PAX2: variants seen among roughly 807,000 people sequenced by gnomAD.
The protein encoded by PAX2 is paired box 2, also known as paired box protein Pax-2.
A neutral mutation model predicts 41.7 loss-of-function variants in PAX2; 9 were observed. The observed-to-expected ratio is 0.22, with a 90% CI of 0.13 to 0.38. The LOEUF is 0.38. Ranked by LOEUF, PAX2 falls within the 10% of genes least tolerant of loss-of-function variation. PAX2 has a pLI of 1.00. For missense variants in PAX2, 418 were observed against 531.6 expected, an observed-to-expected ratio of 0.79 and a Z score of 2.10; for synonymous variants, 221 against 212.7, an observed-to-expected ratio of 1.04 and a Z score of -0.34.
At position 100,746,424 on chromosome 10, in the gene PAX2, G is replaced by A. The variant is rs929110543; in HGVS notation, c.43+121G>A. 5 of 782,658 alleles carry A rather than the reference G, an allele frequency of 6.4e-6. No individual in the cohort carries two copies. In the African/African-American group the frequency reaches 8.5e-5, roughly 13 times the overall value. The allele number at this position is 782,658 out of a possible 1,614,324, so 48.5% of individuals were successfully genotyped here. ...CATCTTGGAGGCCTCCCTGGCTTCT[G>A]GTCCCTCTTTTCGTTCTTTCTCTCC... On this transcript the variant is annotated intron_variant, in intron 1 of 9. Coordinates refer to ENST00000355243, the MANE Select transcript of PAX2 (RefSeq NM_000278.5).
At chr10:100,783,744 C>T (rs1042554140) in intron 5 of PAX2, among the ~76,000 whole-genome samples, 12 of 148,852 alleles carry the variant, frequency 8.1e-5, no homozygotes, top group African/African-American at 3.0e-4. Context: ...AGCTCATGCT[C>T]CAGCAGTGTG....
chr10:100,816,466 T>G (rs1564742558), intron 7 of PAX2, among the ~76,000 whole-genome samples: 1 of 152,234 alleles, frequency 6.6e-6, no homozygotes, highest in Non-Finnish European at 1.5e-5. Flanking sequence ...CAACCCAACA[T>G]TTTTTGAATG....
At chr10:100,803,871 A>G (rs1471105379) in intron 5 of PAX2, among the ~76,000 whole-genome samples, 1 of 151,832 alleles carries the variant, frequency 6.6e-6, no homozygotes, top group Non-Finnish European at 1.5e-5. Context: ...TCTTACCACC[A>G]GGGCCTGAGT....
At chr10:100,769,991 G>A (rs1213924112) in intron 3 of PAX2, among the ~76,000 whole-genome samples, 1 of 152,228 alleles carries the variant, frequency 6.6e-6, no homozygotes, top group African/African-American at 2.4e-5. Flanking sequence ...AGGCCGGGCT[G>A]AAGAATTCTG....
At chr10:100,739,160 C>T (rs1173412890) in intron 1 of PAX2, among the ~76,000 whole-genome samples, 2 of 152,134 alleles carry the variant, frequency 1.3e-5, no homozygotes, top group South Asian at 2.1e-4. Context: ...TGGACGTAGG[C>T]GGAGGTGGCA....
chr10:100,806,658 GC>G, intron 6 of PAX2, 53 bp downstream of exon 6: 1 of 1,549,924 alleles, frequency 6.5e-7, no homozygotes. Flanking sequence ...GCAGAGCAAG[GC>G]CTCTCAAAAA....
intron 3 of PAX2, among the ~76,000 whole-genome samples, chr10:100,768,547 C>A (rs1341344730): frequency 6.6e-6 from 1 of 152,186 alleles, no homozygotes; most frequent in Non-Finnish European, 1.5e-5. Flanking sequence ...TGTTTAAAAT[C>A]ACAGCTACCT....
intron 1 of PAX2, among the ~76,000 whole-genome samples, chr10:100,739,482 C>T (rs1235676500): frequency 4.6e-5 from 7 of 152,178 alleles, no homozygotes; most frequent in Admixed American, 3.3e-4. Flanking sequence ...AGATTTGGTG[C>T]CGGCTCGCAA....
At chr10:100,746,584 G>A (rs1024219168) in intron 1 of PAX2, among the ~76,000 whole-genome samples, 1 of 152,196 alleles carries the variant, frequency 6.6e-6, no homozygotes, top group African/African-American at 2.4e-5. Flanking sequence ...CTCCTTCTTA[G>A]GTCATGGGAT....
At chr10:100,749,694 G>A (rs556621459) in intron 1 of PAX2, 52 bp from the exon 2 acceptor site, 8 of 1,576,332 alleles carry the variant, frequency 5.1e-6, no homozygotes, top group Non-Finnish European at 6.9e-6. Context: ...CTGACTAATG[G>A]CCGGTCCCTG....
Position 100,819,794 on chromosome 10 carries a change from C to G in PAX2, c.920-4854C>G, listed in dbSNP as rs532286176. ...TTACCTGATGACTACAATTTTTCAA[C>G]TTTCTTAATAAAGTCTTTCACTTTG... On this transcript the variant is annotated intron_variant, in intron 7 of 9. Coordinates refer to ENST00000355243, the MANE Select transcript of PAX2 (RefSeq NM_000278.5). 1.3e-3 allele frequency among the ~76,000 whole-genome samples: 199 copies of G among 152,292 alleles called. 1 individual carries two copies. Among genetic ancestry groups the G allele is most frequent in the African/African-American group, 4.7e-3 (195 of 41,538 alleles).
rs1211217411 is a variant in PAX2, at chr10:100,824,932, T to C, written c.1021+183T>C. On this transcript the variant is annotated intron_variant, in intron 8 of 9. Transcript: ENST00000355243. This position sits in a 1 kb window ranked among gnomAD's most constrained non-coding sequence, Gnocchi z 6.6. ...GCAGTTGGTCCCTCATCCTCCCTCA[T>C]GAGCAAGCCGGGGAGGAAGCTTGCA... is the stretch of plus-strand genomic sequence containing the variant. 4.3e-6 allele frequency: 7 copies of C among 1,614,020 alleles called. No homozygotes were observed. The highest frequency in any genetic ancestry group is 5.9e-6 in the Non-Finnish European group (7 of 1,180,016).
chr10:100,802,869 C>T (rs867627973), intron 5 of PAX2, among the ~76,000 whole-genome samples: 22 of 152,280 alleles, frequency 1.4e-4, no homozygotes, highest in South Asian at 1.2e-3. Context: ...AGATTAAGAT[C>T]GGCTTCTGCT....
At chr10:100,821,802 T>C (rs1848387584) in intron 7 of PAX2, among the ~76,000 whole-genome samples, 1 of 152,168 alleles carries the variant, frequency 6.6e-6, no homozygotes, top group Non-Finnish European at 1.5e-5. Flanking sequence ...TAAATTCCTG[T>C]TTATTAAGAA....
chr10:100,821,043 G>A (rs1046117206), intron 7 of PAX2, among the ~76,000 whole-genome samples: 1 of 152,208 alleles, frequency 6.6e-6, no homozygotes, highest in Non-Finnish European at 1.5e-5. Flanking sequence ...AGTACAGCAA[G>A]GCCCAGTGCT....
intron 5 of PAX2, among the ~76,000 whole-genome samples, chr10:100,806,106 T>A (rs1440598184): frequency 6.6e-6 from 1 of 152,140 alleles, no homozygotes; most frequent in Non-Finnish European, 1.5e-5. Flanking sequence ...CAGGGGGTGG[T>A]TCAGGGAGAC....
At chr10:100,805,756 C>A (rs1847759078) in intron 5 of PAX2, among the ~76,000 whole-genome samples, 3 of 152,178 alleles carry the variant, frequency 2.0e-5, no homozygotes, top group Admixed American at 2.0e-4. Context: ...GGCATAGAGG[C>A]ATCCACAGGG....
chr10:100,768,611 G>A (rs1052315314), intron 3 of PAX2, among the ~76,000 whole-genome samples: 19 of 152,080 alleles, frequency 1.2e-4, no homozygotes, highest in African/African-American at 4.6e-4. Context: ...CAAAATCATG[G>A]ATATGAAAAG....
intron 3 of PAX2, among the ~76,000 whole-genome samples, chr10:100,769,492 G>T (rs1486014621): frequency 6.6e-6 from 1 of 151,972 alleles, no homozygotes; most frequent in African/African-American, 2.4e-5. Context: ...GCTGGGCGTG[G>T]TGGTGTGCAC....
Sources: allele counts gnomAD v4.1 joint callset (sites outside exome capture counted in the v4.1 genomes callset), GRCh38; gene constraint gnomAD v4.1.1; non-coding constraint Gnocchi (gnomAD v3.1); transcripts MANE v1.5; gene names NCBI Gene and HGNC (gene_info 2026-07-23, HGNC 2026-07-21).